The following TGM2 variants were observed in gnomAD, a reference collection of about 807,000 sequenced individuals.
TGM2 encodes protein-glutamine gamma-glutamyltransferase 2.
TGM2 carries 53 observed loss-of-function variants against 75.6 expected under a neutral mutation model. That is an observed-to-expected ratio of 0.70 (90% CI 0.56 to 0.88). TGM2 has a LOEUF of 0.88. Among genes scored for constraint, TGM2 ranks in the 40% least tolerant of loss-of-function variants. The pLI is 0.00. For synonymous variants in TGM2, 374 were observed against 381.1 expected (o/e 0.98, Z 0.22); for missense variants, 842 against 928.5 (o/e 0.91, Z 1.21).
intron 1 of TGM2, among the ~76,000 whole-genome samples, chr20:38,162,302 A>G (rs117230240): frequency 3.3e-5 from 5 of 152,356 alleles, no homozygotes; most frequent in African/African-American, 7.2e-5. Flanking sequence ...GAGCTATTCT[A>G]TTGCTATCAG....
chr20:38,139,465 C>G lies in TGM2; in HGVS notation c.1289G>C (p.Ser430Thr). ...ATCCTCCCGCTCGTCTCGGCCCACG[C>G]TCTTAGTGCTGATCTTCAGCCCAAC... ...LIVGLKISTKSVGRDEREDIT... is the reference protein window; with the variant it reads ...LIVGLKISTKTVGRDEREDIT... The change falls in exon 9 of 13, where the codon AGC becomes ACC. Residue 430 changes from serine to threonine, a missense_variant. Coordinates refer to ENST00000361475, the MANE Select transcript of TGM2 (RefSeq NM_004613.4). 6.2e-7 allele frequency: 1 copy of G among 1,614,234 alleles called. No homozygotes were observed. Among genetic ancestry groups the G allele is most frequent in the Non-Finnish European group, 8.5e-7 (1 of 1,180,046 alleles).
chr20:38,139,445 C>T lies in TGM2; in HGVS notation c.1309G>A (p.Glu437Lys), dbSNP rs2074941625. Residue 437 changes from glutamate (E) to lysine (K), a missense_variant, in exon 9 of 13, where the codon GAG (glutamate) becomes AAG (lysine). Coordinates refer to ENST00000361475, the MANE Select transcript of TGM2 (RefSeq NM_004613.4). ...STKSVGRDER[E>K]DITHTYKYPE... Reference sequence around the variant, plus strand: ...TATTTGTAGGTGTGGGTGATATCCTCCCGCTCGTCTCGGCCCACGCTCTTA... The same window carrying T: ...TATTTGTAGGTGTGGGTGATATCCTTCCGCTCGTCTCGGCCCACGCTCTTA... 1.2e-6 allele frequency: 2 copies of T among 1,614,194 alleles called. No individual in the cohort carries two copies. The highest frequency in any genetic ancestry group is 1.3e-5 in the African/African-American group (1 of 75,042).
intron 6 of TGM2, 176 bp downstream of exon 6, chr20:38,146,541 G>A (rs1467258034): frequency 1.8e-5 from 14 of 765,784 alleles, no homozygotes; most frequent in Middle Eastern, 2.2e-4. Context: ...AACCACTGGA[G>A]GGATGGCTAT....
chr20:38,152,840 C>T (rs1272587437), intron 3 of TGM2, among the ~76,000 whole-genome samples: 2 of 152,260 alleles, frequency 1.3e-5, no homozygotes, highest in Non-Finnish European at 2.9e-5. Context: ...CTGACCGCCA[C>T]TCCAACCCGC....
At position 38,130,299 on chromosome 20, in the gene TGM2, G is replaced by A. The variant is rs1177188232; in HGVS notation, c.1984C>T (p.His662Tyr). ...MDLLPLHMGL[H>Y]KLVVNFESDK... Reference sequence around the variant, plus strand: ...CTCTCGAAGTTCACCACCAGCTTGTGGAGGCCCATGTGGAGCGGCAGCAGG... The same window carrying A: ...CTCTCGAAGTTCACCACCAGCTTGTAGAGGCCCATGTGGAGCGGCAGCAGG... The change falls in exon 13 of 13, where the codon CAC becomes TAC. Residue 662 changes from histidine (H) to tyrosine (Y), a missense_variant. Transcript: ENST00000361475. 1 of 1,612,332 alleles carries A rather than the reference G, an allele frequency of 6.2e-7. No individual in the cohort carries two copies.
chr20:38,141,399 G>C lies in TGM2; in HGVS notation c.996-14C>G, dbSNP rs560966988. The C allele has an allele frequency of 1.4e-5, 22 of 1,557,578 alleles. No individual in the cohort carries two copies. In the African/African-American group the frequency reaches 1.5e-4, roughly 11 times the overall value. On this transcript the variant is annotated splice_polypyrimidine_tract_variant and intron_variant, in intron 7 of 12. Transcript: ENST00000361475. ...CAGTGGAAGTTCCTGAGGGGGATAG[G>C]GGGGCGGGAATGAAGCAGAACATGA...
At chr20:38,132,980 G>T (rs1165533817) in intron 10 of TGM2, 2 of 396,818 alleles carry the variant, frequency 5.0e-6, no homozygotes, top group Middle Eastern at 5.5e-4. Flanking sequence ...CCCACGGCGG[G>T]CTCCTACTTC....
At chr20:38,162,072 T>C (rs1393117554) in intron 1 of TGM2, among the ~76,000 whole-genome samples, 1 of 152,216 alleles carries the variant, frequency 6.6e-6, no homozygotes, top group Non-Finnish European at 1.5e-5. Flanking sequence ...GCTCCTGCCT[T>C]GACCTACCAA....
intron 10 of TGM2, 161 bp downstream of exon 10, chr20:38,137,952 A>G (rs2074919878): frequency 7.0e-7 from 1 of 1,428,058 alleles, no homozygotes; most frequent in Admixed American, 2.8e-5. Flanking sequence ...ATAAGAATTA[A>G]GTGGGTTGAT....
intron 10 of TGM2, 130 bp from the exon 11 acceptor site, chr20:38,132,630 A>T (rs779027255): frequency 4.8e-6 from 6 of 1,252,676 alleles, no homozygotes; most frequent in Non-Finnish European, 6.9e-6. Flanking sequence ...GGCTGGGCGG[A>T]TCCCTGAACT....
At chr20:38,142,386 C>T (rs2074987199) in intron 6 of TGM2, among the ~76,000 whole-genome samples, 187 bp from the exon 7 acceptor site, 1 of 152,178 alleles carries the variant, frequency 6.6e-6, no homozygotes, top group African/African-American at 2.4e-5. Flanking sequence ...ATTCTATGCC[C>T]CTCACATCAC....
intron 6 of TGM2, among the ~76,000 whole-genome samples, chr20:38,144,462 G>A (rs1316907867): frequency 7.9e-5 from 12 of 152,168 alleles, no homozygotes. Context: ...CATCAGTGCT[G>A]GCTGATTCAT....
chr20:38,164,613 C>A (rs1447032358), intron 1 of TGM2, among the ~76,000 whole-genome samples: 1 of 152,146 alleles, frequency 6.6e-6, no homozygotes, highest in African/African-American at 2.4e-5. Flanking sequence ...AATAAGGACA[C>A]TGTTGTCCTT....
At chr20:38,164,128 A>T (rs562731871) in intron 1 of TGM2, among the ~76,000 whole-genome samples, 53 of 152,228 alleles carry the variant, frequency 3.5e-4, no homozygotes, top group African/African-American at 1.3e-3. Flanking sequence ...CATGGGGGTG[A>T]GAAGATGCAT....
At chr20:38,132,701 A>G (rs1288936729) in intron 10 of TGM2, 2 of 734,502 alleles carry the variant, frequency 2.7e-6, no homozygotes, top group African/African-American at 3.5e-5. Flanking sequence ...AGCAGCGGGT[A>G]GAGGACGCAC....
At chr20:38,164,156 C>A (rs149614953) in intron 1 of TGM2, among the ~76,000 whole-genome samples, 3 of 151,914 alleles carry the variant, frequency 2.0e-5, no homozygotes, top group Admixed American at 2.0e-4. Flanking sequence ...AAGCGGCCAC[C>A]GAGGCGACAC....
chr20:38,153,528 A>AAAAAAAAAAAAAAAAAAAAAAAAAG (rs56670550), intron 3 of TGM2, among the ~76,000 whole-genome samples: 76 of 124,850 alleles, frequency 6.1e-4, no homozygotes, highest in East Asian at 3.3e-3. Flanking sequence ...TGGTCTCAAA[A>AAAAAAAAAAAAAAAAAAAAAAAAAG]AAAAGAAAAA....
At chr20:38,158,013 C>A (rs1437512382) in intron 2 of TGM2, among the ~76,000 whole-genome samples, 1 of 152,184 alleles carries the variant, frequency 6.6e-6, no homozygotes, top group East Asian at 1.9e-4. Context: ...GACCAAGCAT[C>A]ACAGTTTGCT....
intron 4 of TGM2, among the ~76,000 whole-genome samples, chr20:38,149,614 T>G (rs1056074820): frequency 1.1e-4 from 16 of 144,280 alleles, no homozygotes; most frequent in Admixed American, 4.3e-4. Flanking sequence ...AGGAGGCAGA[T>G]CTTGTAGTGA....
Sources: allele counts gnomAD v4.1 joint callset (sites outside exome capture counted in the v4.1 genomes callset), GRCh38; gene constraint gnomAD v4.1.1; transcripts MANE v1.5; gene names NCBI Gene and HGNC (gene_info 2026-07-23, HGNC 2026-07-21).